Variants in MAMLD1 observed in about 807,000 individuals in gnomAD.
The protein encoded by MAMLD1 is mastermind-like domain-containing protein 1.
A neutral mutation model predicts 45.0 loss-of-function variants in MAMLD1; 14 were observed. The observed-to-expected ratio is 0.31, with a 90% CI of 0.21 to 0.49. The LOEUF is 0.49. MAMLD1 is among the 20% of genes least tolerant of loss of function. The pLI, the probability that MAMLD1 is intolerant of heterozygous loss-of-function variation, is 0.99. For synonymous variants in MAMLD1, 254 were observed against 247.8 expected, an observed-to-expected ratio of 1.02 and a Z score of -0.24; for missense variants, 543 against 603.6, an observed-to-expected ratio of 0.90 and a Z score of 1.05.
intron 2 of MAMLD1, among the ~76,000 whole-genome samples, chrX:150,446,117 G>C (rs782092250): frequency 8.9e-6 from 1 of 111,844 alleles, no homozygotes; most frequent in Non-Finnish European, 1.9e-5. Context: ...TCATCCAAGT[G>C]TTCTGAACCT....
intron 1 of MAMLD1, among the ~76,000 whole-genome samples, chrX:150,412,381 A>C (rs1461252693): frequency 1.8e-5 from 2 of 108,838 alleles, no homozygotes; most frequent in Non-Finnish European, 3.8e-5. Context: ...AACCACCTGC[A>C]CTCCCTGCAA....
At chrX:150,362,165 G>A (rs1398683063), upstream of MAMLD1, among the ~76,000 whole-genome samples, 1 of 112,116 alleles carries the variant, frequency 8.9e-6, no homozygotes, top group African/African-American at 3.2e-5. Context: ...GAGCTGGTGA[G>A]CGGATGCGTG....
intron 5 of MAMLD1, among the ~76,000 whole-genome samples, chrX:150,474,212 GA>G (rs1454923166): frequency 4.5e-5 from 5 of 112,053 alleles, no homozygotes; most frequent in Non-Finnish European, 7.5e-5. Flanking sequence ...GAGTTGGGGG[GA>G]AAGGCACAGA....
At position 150,473,430 on chromosome X, in the gene MAMLD1, G is replaced by A. The variant is rs1332867603; in HGVS notation, c.1918-250G>A. On this transcript the variant is annotated intron_variant, in intron 4 of 7. Coordinates refer to ENST00000370401, the MANE Select transcript of MAMLD1 (RefSeq NM_005491.5). The stretch of plus-strand genomic sequence containing the variant: ...CCTCTTATTTAAGAGCTCTGTATGA[G>A]CACACCTGTGGCAACCCCTAGAGTA... 2.7e-5 allele frequency among the ~76,000 whole-genome samples: 3 copies of A among 112,483 alleles called. No individual in the cohort carries two copies. The East Asian group carries it at 8.4e-4, about 32-fold the overall frequency.
chrX:150,390,416 C>A (rs922541886), intron 1 of MAMLD1, among the ~76,000 whole-genome samples: 5 of 112,233 alleles, frequency 4.5e-5, no homozygotes, highest in Non-Finnish European at 7.5e-5. Flanking sequence ...TTACTTAAAT[C>A]TATTTTAGGA....
At chrX:150,486,932 TATA>T (rs1232418566) in intron 5 of MAMLD1, among the ~76,000 whole-genome samples, 43 of 112,207 alleles carry the variant, frequency 3.8e-4, no homozygotes, top group African/African-American at 1.4e-3. Flanking sequence ...TCCTATTCTG[TATA>T]ATGAGAGGAT....
chrX:150,504,420 A>G, intron 6 of MAMLD1: 2 of 754,060 alleles, frequency 2.7e-6, no homozygotes, highest in Non-Finnish European at 3.1e-6. Flanking sequence ...TTTGGTATGT[A>G]CAGCCTTGTT....
At chrX:150,420,483 G>A (rs1231122158) in intron 1 of MAMLD1, among the ~76,000 whole-genome samples, 1 of 111,769 alleles carries the variant, frequency 8.9e-6, no homozygotes, top group African/African-American at 3.3e-5. Context: ...TGCTGGTGAG[G>A]AACTGCGTTC....
At chrX:150,452,183 C>A (rs2056141496) in intron 2 of MAMLD1, among the ~76,000 whole-genome samples, 2 of 111,924 alleles carry the variant, frequency 1.8e-5, no homozygotes, top group South Asian at 7.5e-4. Context: ...GGAAGGGGTG[C>A]AATTAAAAAG....
intron 5 of MAMLD1, among the ~76,000 whole-genome samples, chrX:150,500,801 G>A (rs2037528101): frequency 3.2e-5 from 1 of 31,736 alleles, no homozygotes; most frequent in African/African-American, 9.3e-5. Context: ...GTGATAAGCA[G>A]TTTCTTTTCC....
At chrX:150,364,777 CCAAGCAAT>C (rs1458831333) in intron 1 of MAMLD1, among the ~76,000 whole-genome samples, 1 of 113,191 alleles carries the variant, frequency 8.8e-6, no homozygotes, top group Non-Finnish European at 1.9e-5. Flanking sequence ...CTCCCTGAGA[CCAAGCAAT>C]TTTGAAAGAG....
intron 2 of MAMLD1, among the ~76,000 whole-genome samples, chrX:150,456,907 G>A (rs782075042): frequency 8.9e-6 from 1 of 112,550 alleles, no homozygotes; most frequent in African/African-American, 3.2e-5. Context: ...CTTCAGAAAA[G>A]TTTCTTGCCC....
At chrX:150,503,169 C>G in intron 5 of MAMLD1, 105 bp from the exon 6 acceptor site, 3 of 724,723 alleles carry the variant, frequency 4.1e-6, no homozygotes, top group Admixed American at 2.2e-5. Context: ...GTGGGTATAA[C>G]CACAACACCC....
intron 2 of MAMLD1, among the ~76,000 whole-genome samples, chrX:150,453,871 C>G (rs1179516555): frequency 8.9e-6 from 1 of 112,271 alleles, no homozygotes; most frequent in Non-Finnish European, 1.9e-5. Context: ...TCAGAGCCAC[C>G]TGCCATTCTA....
chrX:150,423,875 A>G (rs1351740402), intron 1 of MAMLD1, among the ~76,000 whole-genome samples: 3 of 112,537 alleles, frequency 2.7e-5, no homozygotes, highest in African/African-American at 9.7e-5. Flanking sequence ...TAGCATAGGA[A>G]AAGATGATGC....
chrX:150,392,205 T>C (rs782212767), intron 1 of MAMLD1, among the ~76,000 whole-genome samples: 158 of 112,337 alleles, frequency 1.4e-3, no homozygotes, highest in Non-Finnish European at 9.6e-4. Flanking sequence ...AAGTGCAGTC[T>C]AGAGCTGCCT....
intron 2 of MAMLD1, 134 bp from the exon 3 acceptor site, chrX:150,462,638 A>C (rs910855333): frequency 3.7e-6 from 2 of 539,196 alleles, no homozygotes; most frequent in Non-Finnish European, 6.8e-6. Flanking sequence ...TTTAAATGTC[A>C]TAGATATATT....
At chrX:150,454,719 A>G (rs1489340832) in intron 2 of MAMLD1, among the ~76,000 whole-genome samples, 1 of 110,833 alleles carries the variant, frequency 9.0e-6, no homozygotes, top group African/African-American at 3.3e-5. Context: ...CCTCATCAAC[A>G]CCATCACCAC....
At chrX:150,369,851 T>G (rs1349815105) in intron 1 of MAMLD1, among the ~76,000 whole-genome samples, 7 of 109,250 alleles carry the variant, frequency 6.4e-5, no homozygotes, top group African/African-American at 2.3e-4. Context: ...CCAGCTGTTT[T>G]TTTTTAAATC....
Sources: allele counts gnomAD v4.1 joint callset (sites outside exome capture counted in the v4.1 genomes callset), GRCh38; gene constraint gnomAD v4.1.1; transcripts MANE v1.5; gene names NCBI Gene and HGNC (gene_info 2026-07-23, HGNC 2026-07-21).